CLSTN2: variants seen among roughly 807,000 people sequenced by gnomAD.
CLSTN2 encodes calsyntenin-2.
Under a neutral mutation model 101.2 loss-of-function variants are expected in CLSTN2, and 48 were observed. The observed-to-expected ratio is 0.47, with a 90% CI of 0.38 to 0.60. The LOEUF is 0.60. Among genes scored for constraint, CLSTN2 ranks in the 20% least tolerant of loss-of-function variants. The pLI, the probability that CLSTN2 is intolerant of heterozygous loss-of-function variation, is 0.00. For synonymous variants in CLSTN2, 481 were observed against 463.6 expected (o/e 1.04, Z -0.48); for missense variants, 1,160 against 1,238.2 (o/e 0.94, Z 0.95).
At chr3:140,540,929 T>C (rs2107784027) in intron 9 of CLSTN2, among the ~76,000 whole-genome samples, 1 of 152,150 alleles carries the variant, frequency 6.6e-6, no homozygotes, top group African/African-American at 2.4e-5. Context: ...AATAAGACAG[T>C]CTGCATTAAA....
At chr3:140,294,964 A>G (rs560324891) in intron 2 of CLSTN2, among the ~76,000 whole-genome samples, 148 of 152,268 alleles carry the variant, frequency 9.7e-4, no homozygotes, top group African/African-American at 3.5e-3. Context: ...TTTTGTCCTT[A>G]TGACCTAATT....
chr3:140,453,958 T>C (rs932454572), intron 6 of CLSTN2, among the ~76,000 whole-genome samples: 1 of 152,194 alleles, frequency 6.6e-6, no homozygotes, highest in Non-Finnish European at 1.5e-5. Flanking sequence ...CATGATGGGT[T>C]TCTTTAAGAC....
At chr3:140,476,812 C>A (rs970919612) in intron 8 of CLSTN2, among the ~76,000 whole-genome samples, 1 of 152,116 alleles carries the variant, frequency 6.6e-6, no homozygotes, top group Non-Finnish European at 1.5e-5. Context: ...GTGCCTGCCA[C>A]CATGCCCAGC....
intron 9 of CLSTN2, among the ~76,000 whole-genome samples, chr3:140,545,160 C>A (rs1246740840): frequency 1.3e-5 from 2 of 152,104 alleles, no homozygotes; most frequent in Non-Finnish European, 2.9e-5. Context: ...AAAGCCAGCC[C>A]ACCCCCAAGC....
intron 8 of CLSTN2, among the ~76,000 whole-genome samples, chr3:140,484,352 T>G (rs1490676639): frequency 6.6e-6 from 1 of 152,318 alleles, no homozygotes; most frequent in East Asian, 1.9e-4. Context: ...CTGATGGGCT[T>G]CCCTTTGTGG....
chr3:140,251,963 C>T (rs1306590683), intron 2 of CLSTN2, among the ~76,000 whole-genome samples: 1 of 152,248 alleles, frequency 6.6e-6, no homozygotes, highest in Middle Eastern at 3.4e-3. Context: ...TTTGATGTGG[C>T]AGCTGCAGTG....
chr3:140,202,857 A>T (rs190757265), intron 2 of CLSTN2, among the ~76,000 whole-genome samples: 56 of 152,332 alleles, frequency 3.7e-4, no homozygotes, highest in Admixed American at 2.9e-3. Context: ...TCCTGAGCAC[A>T]TAACTAGTCT....
intron 1 of CLSTN2, among the ~76,000 whole-genome samples, chr3:140,112,350 AGT>A (rs200761645): frequency 1.4e-4 from 18 of 131,414 alleles, no homozygotes; most frequent in South Asian, 2.2e-4. Context: ...AAATATTAAA[AGT>A]GTGTGTGTGT....
At chr3:140,296,146 C>T (rs1024207838) in intron 2 of CLSTN2, among the ~76,000 whole-genome samples, 1 of 152,210 alleles carries the variant, frequency 6.6e-6, no homozygotes, top group African/African-American at 2.4e-5. Flanking sequence ...ATAGCTTTAA[C>T]TATCTTAGAA....
chr3:140,486,668 C>T (rs926752110), intron 8 of CLSTN2, among the ~76,000 whole-genome samples: 1 of 152,046 alleles, frequency 6.6e-6, no homozygotes, highest in African/African-American at 2.4e-5. Flanking sequence ...GACAAAAGGG[C>T]AAAGGTAGTA....
chr3:140,283,148 A>G (rs1372918140), intron 2 of CLSTN2, among the ~76,000 whole-genome samples: 1 of 152,156 alleles, frequency 6.6e-6, no homozygotes, highest in East Asian at 1.9e-4. Context: ...GAAATACTTT[A>G]TAATATACAA....
At chr3:140,128,168 C>A (rs576432385) in intron 1 of CLSTN2, among the ~76,000 whole-genome samples, 1 of 152,112 alleles carries the variant, frequency 6.6e-6, no homozygotes, top group African/African-American at 2.4e-5. Context: ...CTAAGAGACC[C>A]CATGTCCCCA....
intron 1 of CLSTN2, among the ~76,000 whole-genome samples, chr3:140,161,545 T>G (rs774514235): frequency 6.6e-6 from 1 of 152,142 alleles, no homozygotes; most frequent in Non-Finnish European, 1.5e-5. Context: ...AGTCAACAAG[T>G]TACTTTTCCT....
At chr3:140,199,326 T>A (rs1305319290) in intron 2 of CLSTN2, among the ~76,000 whole-genome samples, 2 of 152,210 alleles carry the variant, frequency 1.3e-5, no homozygotes, top group Admixed American at 6.5e-5. Flanking sequence ...CTTTATCTCA[T>A]CATTGATTTC....
intron 2 of CLSTN2, among the ~76,000 whole-genome samples, chr3:140,217,251 G>A (rs1434804919): frequency 1.2e-4 from 2 of 16,242 alleles, no homozygotes; most frequent in Non-Finnish European, 0.01. Flanking sequence ...ATTTTTAAAA[G>A]CACAGGTTTA....
At chr3:140,425,893 G>T (rs1229234839) in intron 5 of CLSTN2, among the ~76,000 whole-genome samples, 1 of 152,212 alleles carries the variant, frequency 6.6e-6, no homozygotes, top group Non-Finnish European at 1.5e-5. Context: ...GAAGAGGATG[G>T]CTCAAAGCAT....
intron 2 of CLSTN2, among the ~76,000 whole-genome samples, chr3:140,369,569 T>C (rs2087827794): frequency 9.4e-6 from 1 of 106,374 alleles, no homozygotes; most frequent in Non-Finnish European, 2.2e-5. Flanking sequence ...TGTCTGATAA[T>C]AATTTGTTAA....
intron 1 of CLSTN2, among the ~76,000 whole-genome samples, chr3:139,958,692 G>A (rs1455108916): frequency 1.3e-5 from 2 of 151,556 alleles, no homozygotes; most frequent in South Asian, 2.1e-4. Context: ...GGGATTTGAC[G>A]ACAGTCTTAT....
intron 2 of CLSTN2, among the ~76,000 whole-genome samples, chr3:140,220,104 A>G (rs2086254444): frequency 6.6e-6 from 1 of 152,204 alleles, no homozygotes; most frequent in African/African-American, 2.4e-5. Flanking sequence ...TACTGCCTCT[A>G]CTGCTTTTCC....
Sources: allele counts gnomAD v4.1 joint callset (sites outside exome capture counted in the v4.1 genomes callset), GRCh38; gene constraint gnomAD v4.1.1; transcripts MANE v1.5; gene names NCBI Gene and HGNC (gene_info 2026-07-23, HGNC 2026-07-21).